The following PGAP4 variants were observed in gnomAD, a reference collection of about 807,000 sequenced individuals.
PGAP4 encodes post-GPI attachment to proteins GalNAc transferase 4.
Under a neutral mutation model 28.2 loss-of-function variants are expected in PGAP4, and 12 were observed. The observed-to-expected ratio is 0.42, with a 90% CI of 0.27 to 0.69. The LOEUF (loss-of-function observed/expected upper bound fraction) is 0.69. Ranked by LOEUF, PGAP4 falls within the 30% of genes least tolerant of loss-of-function variation. PGAP4 has a pLI of 0.22. For missense variants in PGAP4, 425 were observed against 513.5 expected (o/e 0.83, Z 1.67); for synonymous variants, 205 against 211.8 (o/e 0.97, Z 0.28).
intron 2 of PGAP4, among the ~76,000 whole-genome samples, chr9:101,497,220 G>A (rs1011806133): frequency 1.9e-4 from 28 of 151,324 alleles, no homozygotes; most frequent in African/African-American, 6.7e-4. Context: ...TTATTTATAA[G>A]CATTTATTTC....
intron 2 of PGAP4, among the ~76,000 whole-genome samples, chr9:101,498,735 T>C (rs1423029785): frequency 1.3e-5 from 2 of 152,040 alleles, no homozygotes; most frequent in East Asian, 1.9e-4. Context: ...GAGAATTCCA[T>C]TGTGTTTCTT....
intron 1 of PGAP4, among the ~76,000 whole-genome samples, chr9:101,483,675 C>T (rs1160193250): frequency 6.6e-6 from 1 of 151,944 alleles, no homozygotes; most frequent in African/African-American, 2.4e-5. Context: ...ATATCCATAT[C>T]TGTATCTATA....
intron 2 of PGAP4, among the ~76,000 whole-genome samples, chr9:101,530,572 G>T (rs138028141): frequency 0.015 from 2,346 of 152,276 alleles, 64 homozygotes; most frequent in Admixed American, 0.064. Flanking sequence ...TTTTTCCAGG[G>T]ATATTCCTTT....
intron 2 of PGAP4, among the ~76,000 whole-genome samples, chr9:101,495,832 A>T (rs1826742328): frequency 6.6e-6 from 1 of 151,220 alleles, no homozygotes; most frequent in Non-Finnish European, 1.5e-5. Flanking sequence ...AGTTACAAAA[A>T]GGTAAAAAAA....
chr9:101,479,902 G>C (rs1176538530), intron 1 of PGAP4: 1 of 152,204 alleles, frequency 6.6e-6, no homozygotes, highest in African/African-American at 2.4e-5. Flanking sequence ...AGCTGCACAA[G>C]AGGCCAAGTC....
At chr9:101,502,657 G>A (rs914640642) in intron 2 of PGAP4, among the ~76,000 whole-genome samples, 2 of 151,940 alleles carry the variant, frequency 1.3e-5, no homozygotes, top group African/African-American at 2.4e-5. Context: ...TTCCTGTTAG[G>A]GCATCCTTCC....
At chr9:101,494,886 T>C (rs1276244507) in intron 2 of PGAP4, among the ~76,000 whole-genome samples, 1 of 151,084 alleles carries the variant, frequency 6.6e-6, no homozygotes, top group South Asian at 2.1e-4. Flanking sequence ...CATTAGACTT[T>C]TATAAATTTT....
At chr9:101,500,144 T>C (rs1389188412) in intron 2 of PGAP4, among the ~76,000 whole-genome samples, 1 of 152,050 alleles carries the variant, frequency 6.6e-6, no homozygotes, top group East Asian at 1.9e-4. Context: ...CTTGGTCTTT[T>C]TACTAGTTTC....
chr9:101,531,717 G>C (rs1301609795), intron 1 of PGAP4, among the ~76,000 whole-genome samples: 1 of 152,122 alleles, frequency 6.6e-6, no homozygotes, highest in Non-Finnish European at 1.5e-5. Context: ...AAGACTTAAT[G>C]GAATCAAAGT....
intron 2 of PGAP4, among the ~76,000 whole-genome samples, chr9:101,497,939 G>T (rs1266246388): frequency 6.6e-6 from 1 of 151,760 alleles, no homozygotes; most frequent in Non-Finnish European, 1.5e-5. Context: ...TAGAATTTTA[G>T]TTAGGGGATA....
chr9:101,493,252 CAAAAAA>C (rs34195899), intron 2 of PGAP4, among the ~76,000 whole-genome samples: 1 of 116,982 alleles, frequency 8.5e-6, no homozygotes, highest in African/African-American at 3.1e-5. Flanking sequence ...GACTCCATCT[CAAAAAA>C]AAAAAAAAAA....
intron 2 of PGAP4, among the ~76,000 whole-genome samples, chr9:101,525,699 C>CAAAAAAAAAAA (rs397893277): frequency 1.6e-5 from 1 of 61,408 alleles, no homozygotes; most frequent in Non-Finnish European, 3.3e-5. Context: ...CAGAGCGTCT[C>CAAAAAAAAAAA]AAAAAAAAAA....
chr9:101,531,655 A>G (rs1827091392), intron 1 of PGAP4: 1 of 152,206 alleles, frequency 6.6e-6, no homozygotes, highest in African/African-American at 2.4e-5. Flanking sequence ...TGGGAAATGG[A>G]ACTTAGTATT....
chr9:101,498,885 T>C (rs1253925681), intron 2 of PGAP4, among the ~76,000 whole-genome samples: 3 of 151,974 alleles, frequency 2.0e-5, no homozygotes, highest in Non-Finnish European at 4.4e-5. Context: ...AGAATGTTTA[T>C]TTTTTTCTTC....
intron 2 of PGAP4, among the ~76,000 whole-genome samples, chr9:101,513,875 A>G (rs1826919718): frequency 6.6e-6 from 1 of 152,190 alleles, no homozygotes; most frequent in Non-Finnish European, 1.5e-5. Flanking sequence ...CCAAGGCTGA[A>G]GCCCTGAGCA....
intron 1 of PGAP4, among the ~76,000 whole-genome samples, chr9:101,477,922 G>T (rs191560235): frequency 1.3e-5 from 2 of 148,954 alleles, no homozygotes; most frequent in Non-Finnish European, 1.5e-5. Context: ...TGAGGGAGCG[G>T]GGGGGGAAAG....
chr9:101,532,628 A>G (rs73659521), intron 1 of PGAP4: 10 of 152,190 alleles, frequency 6.6e-5, no homozygotes, highest in Non-Finnish European at 1.5e-4. Flanking sequence ...TGAGAGAATG[A>G]GTGTCATTGT....
intron 2 of PGAP4, among the ~76,000 whole-genome samples, chr9:101,508,451 A>G (rs934659076): frequency 6.6e-6 from 1 of 152,114 alleles, no homozygotes; most frequent in Non-Finnish European, 1.5e-5. Context: ...ACTGCTGTCT[A>G]AAGAGATTGC....
Position 101,473,922 on chromosome 9 carries a change from A to G in PGAP4, c.*1959T>C, listed in dbSNP as rs1036924916. ...AATAAGTCATCTAGTAGCTCTGATC[A>G]CTTTGGACATTGCTGGGGGATACAT... On this transcript the variant is annotated 3_prime_UTR_variant, in exon 2 of 2. Coordinates refer to ENST00000374848, the MANE Select transcript of PGAP4 (RefSeq NM_032342.3). 7.9e-5 allele frequency: 12 copies of G among 152,178 alleles called. No homozygotes were observed. The highest frequency in any genetic ancestry group is 7.2e-4 in the Admixed American group (11 of 15,276). The allele number at this position is 152,178 out of a possible 1,614,324, so 9.4% of individuals were successfully genotyped here.
Sources: gnomAD v4.1 joint callset for allele counts (sites outside exome capture counted in the v4.1 genomes callset) on GRCh38, gnomAD v4.1.1 for gene constraint, MANE v1.5 for transcripts, NCBI Gene and HGNC (gene_info 2026-07-23, HGNC 2026-07-21) for gene names.